ZNF208: variants seen among roughly 807,000 people sequenced by gnomAD.
ZNF208 encodes the protein zinc finger protein 95.
A neutral mutation model predicts 12.1 loss-of-function variants in ZNF208; 10 were observed. The observed-to-expected ratio is 0.83, with a 90% CI of 0.51 to 1.40. The LOEUF (loss-of-function observed/expected upper bound fraction) is 1.40, where lower values mean the gene tolerates loss of function less well. Ranked by LOEUF, ZNF208 falls within the 40% of genes most tolerant of loss-of-function variation. The pLI, the probability that ZNF208 is intolerant of heterozygous loss-of-function variation, is 0.00. For missense variants in ZNF208, 1,652 were observed against 1,485.0 expected (o/e 1.11, Z -1.85); for synonymous variants, 497 against 488.4 (o/e 1.02, Z -0.23).
At chr19:21,978,689 G>A (rs976864188) in intron 3 of ZNF208, among the ~76,000 whole-genome samples, 5 of 152,058 alleles carry the variant, frequency 3.3e-5, no homozygotes, top group Non-Finnish European at 5.9e-5. Flanking sequence ...ACAACTCATT[G>A]CCAGCAAAGA....
At chr19:21,979,454 A>C (rs969969541) in intron 3 of ZNF208, among the ~76,000 whole-genome samples, 16 of 152,222 alleles carry the variant, frequency 1.1e-4, no homozygotes, top group Non-Finnish European at 2.4e-4. Flanking sequence ...ATTTTCAACC[A>C]AGAATTTCAC....
intron 1 of ZNF208, among the ~76,000 whole-genome samples, chr19:22,009,765 T>C (rs113335806): frequency 7.7e-6 from 1 of 130,460 alleles, no homozygotes; most frequent in African/African-American, 2.8e-5. Flanking sequence ...AAAAAAAAAA[T>C]CTAATTCAAA....
intron 1 of ZNF208, among the ~76,000 whole-genome samples, chr19:22,008,003 T>TAAA (rs139821713): frequency 0.19 from 18,979 of 98,800 alleles, 2,032 homozygotes; most frequent in African/African-American, 0.3. Flanking sequence ...AGCACTGTCT[T>TAAA]AAAAAAAAAA....
In ZNF208 at chr19:21,973,728, A is replaced by C; in HGVS notation, c.1306T>G (p.Trp436Gly). ...KCEECGKAFN[W>G]SSNLMEHKKI... ...TTATGTTCCATAAGGTTTGAGGACC[A>C]GTTGAAAGCTTTGCCACATTCTTCA... is the stretch of plus-strand genomic sequence containing the variant. The change falls in exon 4 of 4, where the codon TGG becomes GGG. Residue 436 changes from tryptophan to glycine, a missense_variant. Trp to Gly is a radical substitution (Grantham distance 184). Coordinates refer to ENST00000397126, the MANE Select transcript of ZNF208 (RefSeq NM_007153.3). 2 of 1,609,272 alleles carry C rather than the reference A, an allele frequency of 1.2e-6. No homozygotes were observed. The highest frequency in any genetic ancestry group is 1.7e-6 in the Non-Finnish European group (2 of 1,177,410).
chr19:21,956,319 A>G (rs1319283652), intron 4 of ZNF208, among the ~76,000 whole-genome samples: 1 of 91,384 alleles, frequency 1.1e-5, no homozygotes, highest in African/African-American at 5.5e-5. Context: ...GTCCATTCTC[A>G]TATCTCAAAA....
At chr19:21,952,087 G>C (rs1342915910) in intron 4 of ZNF208, among the ~76,000 whole-genome samples, 1 of 152,238 alleles carries the variant, frequency 6.6e-6, no homozygotes, top group Non-Finnish European at 1.5e-5. Flanking sequence ...GCAGCAGCCT[G>C]GCTAGGGGAG....
rs1970366735 is a variant in ZNF208 at position 21,973,889 on chromosome 19, G to C, written c.1145C>G (p.Ser382Ter). ...EECGKAYKWP[S>*]TLSYHKKIHT... is the part of the protein sequence containing the mutation. ...AATTTTCTTATGATAACTAAGGGTT[G>C]AGGGCCACTTATAGGCTTTGCCGCA... is the stretch of plus-strand genomic sequence containing the variant. Residue 382 changes from serine to a stop codon, truncating the protein, a stop_gained, in exon 4 of 4, where the codon TCA (serine) becomes TGA (stop). Transcript: ENST00000397126. LOFTEE classifies it low-confidence loss of function (END_TRUNC). 4 of 1,613,350 alleles carry C rather than the reference G, an allele frequency of 2.5e-6. No individual in the cohort carries two copies. The highest frequency in any genetic ancestry group is 2.5e-6 in the Non-Finnish European group (3 of 1,179,826).
At chr19:21,955,513 G>A (rs888797532) in intron 4 of ZNF208, among the ~76,000 whole-genome samples, 5 of 152,110 alleles carry the variant, frequency 3.3e-5, no homozygotes, top group African/African-American at 1.2e-4. Context: ...ATTTCTTGGA[G>A]GCTTTGTTCA....
intron 4 of ZNF208, among the ~76,000 whole-genome samples, chr19:21,960,364 GT>G (rs1181364299): frequency 2.6e-5 from 4 of 151,900 alleles, no homozygotes; most frequent in Non-Finnish European, 5.9e-5. Flanking sequence ...AAATTAAAAT[GT>G]TTCTAGAAAT....
chr19:22,001,122 C>G (rs1409939404), intron 1 of ZNF208, among the ~76,000 whole-genome samples: 1 of 152,064 alleles, frequency 6.6e-6, no homozygotes, highest in Non-Finnish European at 1.5e-5. Context: ...CCCGTCACTA[C>G]TAAAAATACA....
At chr19:22,004,763 G>A (rs979631018) in intron 1 of ZNF208, among the ~76,000 whole-genome samples, 20 of 152,126 alleles carry the variant, frequency 1.3e-4, no homozygotes, top group African/African-American at 4.8e-4. Context: ...CTAGTAGAGG[G>A]TGGAGGGTGG....
At chr19:21,977,319 G>C (rs1274092588) in intron 3 of ZNF208, among the ~76,000 whole-genome samples, 1 of 152,216 alleles carries the variant, frequency 6.6e-6, no homozygotes, top group Non-Finnish European at 1.5e-5. Flanking sequence ...CTGGTCTACA[G>C]CTCCCAGCGC....
At chr19:21,947,864 C>A (rs2145513524) in intron 4 of ZNF208, among the ~76,000 whole-genome samples, 1 of 152,244 alleles carries the variant, frequency 6.6e-6, no homozygotes, top group East Asian at 1.9e-4. Flanking sequence ...TCTCCCCAGC[C>A]ACTGGAGTAC....
chr19:21,990,966 A>G (rs1308038006), intron 1 of ZNF208, among the ~76,000 whole-genome samples: 5 of 152,164 alleles, frequency 3.3e-5, no homozygotes, highest in Non-Finnish European at 7.3e-5. Flanking sequence ...GTATCCTGAG[A>G]CTTTGTCGAA....
chr19:22,008,021 A>AAAAG (rs1971077698), intron 1 of ZNF208, among the ~76,000 whole-genome samples: 1 of 135,786 alleles, frequency 7.4e-6, no homozygotes, highest in South Asian at 2.4e-4. Context: ...AAAAAAAAAA[A>AAAAG]GGGCCGGGCG....
intron 3 of ZNF208, among the ~76,000 whole-genome samples, chr19:21,977,574 G>A (rs761155339): frequency 2.5e-4 from 38 of 152,128 alleles, no homozygotes; most frequent in Non-Finnish European, 3.2e-4. Flanking sequence ...CATGGTCTTC[G>A]CAGCCTGCAG....
At chr19:21,990,989 C>G (rs1241101212) in intron 1 of ZNF208, among the ~76,000 whole-genome samples, 1 of 152,146 alleles carries the variant, frequency 6.6e-6, no homozygotes, top group African/African-American at 2.4e-5. Context: ...TGCTTATCAG[C>G]TTAAGGAGAT....
At chr19:21,949,104 C>A (rs987110972) in intron 4 of ZNF208, among the ~76,000 whole-genome samples, 2 of 152,180 alleles carry the variant, frequency 1.3e-5, no homozygotes, top group Non-Finnish European at 2.9e-5. Flanking sequence ...GTAAAACAAA[C>A]CTCCCTGTGT....
At chr19:21,947,535 C>G (rs1969833026) in intron 4 of ZNF208, among the ~76,000 whole-genome samples, 1 of 152,200 alleles carries the variant, frequency 6.6e-6, no homozygotes, top group Non-Finnish European at 1.5e-5. Flanking sequence ...TACAGTCCCC[C>G]AATTATTTTC....
Sources: allele counts gnomAD v4.1 joint callset (sites outside exome capture counted in the v4.1 genomes callset), GRCh38; gene constraint gnomAD v4.1.1; transcripts MANE v1.5; gene names NCBI Gene and HGNC (gene_info 2026-07-23, HGNC 2026-07-21).